NBEA: variants seen among roughly 807,000 people sequenced by gnomAD.
The protein encoded by NBEA is lysosomal-trafficking regulator 2.
Under a neutral mutation model 343.4 loss-of-function variants are expected in NBEA, and 44 were observed. That is an observed-to-expected ratio of 0.13 (90% CI 0.10 to 0.16). The LOEUF is 0.16. Ranked by LOEUF, NBEA falls within the 10% of genes least tolerant of loss-of-function variation. The pLI, the probability that NBEA is intolerant of heterozygous loss-of-function variation, is 1.00. For missense variants in NBEA, 2,555 were observed against 3,631.3 expected (o/e 0.70, Z 7.62); for synonymous variants, 1,175 against 1,238.7 (o/e 0.95, Z 1.08).
intron 1 of NBEA, among the ~76,000 whole-genome samples, chr13:34,983,215 C>G (rs1239778565): frequency 6.6e-6 from 1 of 152,096 alleles, no homozygotes; most frequent in South Asian, 2.1e-4. Flanking sequence ...TGTTCCCCGC[C>G]CTGTGTCCAA....
intron 47 of NBEA, among the ~76,000 whole-genome samples, chr13:35,594,991 A>ACACACAC (rs35723951): frequency 4.2e-5 from 6 of 142,674 alleles, no homozygotes; most frequent in South Asian, 2.2e-4. Flanking sequence ...ACACACACAC[A>ACACACAC]AATTGGCTTT....
chr13:35,440,364 A>G (rs766647970), intron 39 of NBEA, among the ~76,000 whole-genome samples: 8 of 152,206 alleles, frequency 5.3e-5, no homozygotes, highest in Non-Finnish European at 1.0e-4. Context: ...TTTTAGACTA[A>G]TTTTTGGTAA....
chr13:35,184,850 A>G (rs1018230019), intron 30 of NBEA, among the ~76,000 whole-genome samples: 2 of 152,162 alleles, frequency 1.3e-5, no homozygotes, highest in East Asian at 1.9e-4. Context: ...CAAAGGATTT[A>G]TAAGAGGTAG....
intron 10 of NBEA, among the ~76,000 whole-genome samples, chr13:35,078,008 G>A (rs1429974193): frequency 6.6e-6 from 1 of 152,176 alleles, no homozygotes; most frequent in Non-Finnish European, 1.5e-5. Flanking sequence ...GTGAATTAGG[G>A]AGGAGATTTA....
chr13:35,410,429 G>A (rs1465461384), intron 38 of NBEA, among the ~76,000 whole-genome samples: 3 of 152,126 alleles, frequency 2.0e-5, no homozygotes, highest in Non-Finnish European at 4.4e-5. Context: ...CCTAGGTAAG[G>A]GGGAATGGAA....
At chr13:35,608,978 C>G (rs1426677800) in intron 48 of NBEA, among the ~76,000 whole-genome samples, 2 of 152,158 alleles carry the variant, frequency 1.3e-5, no homozygotes, top group Non-Finnish European at 2.9e-5. Flanking sequence ...ATTATCTCTT[C>G]TTTGTGAAAT....
chr13:34,942,580 C>T lies in NBEA; in HGVS notation c.-241C>T. ...TGCTGGGCGGGCACAGCCGCTTGCC[C>T]GGCAGCGGTTAGCGGTACCGCCACC... On this transcript the variant is annotated 5_prime_UTR_variant, in exon 1 of 59. Coordinates refer to ENST00000379939, the MANE Select transcript of NBEA (RefSeq NM_001385012.1). 4.0e-6 allele frequency: 1 copy of T among 249,956 alleles called. No homozygotes were observed. Among genetic ancestry groups the T allele is most frequent in the Non-Finnish European group, 7.5e-6 (1 of 133,040 alleles). The allele number at this position is 249,956 out of a possible 1,614,324, so 15.5% of individuals were successfully genotyped here. A position where few individuals can be genotyped will look rare whatever the true frequency, so the allele number is the denominator to read the frequency against.
chr13:35,670,119 C>T (rs1182571258), intron 58 of NBEA, among the ~76,000 whole-genome samples: 6 of 152,112 alleles, frequency 3.9e-5, no homozygotes, highest in African/African-American at 1.4e-4. Flanking sequence ...GGATATTACT[C>T]AAAAGGTATT....
At chr13:35,158,634 A>G (rs560222533) in intron 21 of NBEA, among the ~76,000 whole-genome samples, 1 of 152,260 alleles carries the variant, frequency 6.6e-6, no homozygotes, top group East Asian at 1.9e-4. Context: ...GAAAACCAAC[A>G]TAGTAATAGT....
intron 8 of NBEA, among the ~76,000 whole-genome samples, chr13:35,068,672 G>T (rs2063747590): frequency 6.6e-6 from 1 of 152,024 alleles, no homozygotes; most frequent in African/African-American, 2.4e-5. Context: ...CTAATGGTTT[G>T]CATCCAGTTT....
chr13:35,159,824 G>A lies in NBEA; in HGVS notation c.3653G>A (p.Ser1218Asn), dbSNP rs775117591. The A allele has an allele frequency of 6.2e-6, 10 of 1,610,106 alleles. 1 individual carries two copies. Among genetic ancestry groups the A allele is most frequent in the African/African-American group, 4.0e-5 (3 of 74,826 alleles). ...FKIHTTSDGM[S>N]SISERDLASS... ...ATCCATACAACTTCAGATGGAATGA[G>A]CAGTATTTCTGAAAGAGACTTAGCG... The change falls in exon 22 of 59, where the codon AGC (serine) becomes AAC (asparagine). Residue 1218 changes from serine (S) to asparagine (N), a missense_variant. Physicochemically the swap from Ser to Asn is conservative, Grantham distance 46. Around this residue, in one of 21 missense-constraint regions of NBEA, gnomAD observed 367 missense variants for 377.5 expected, o/e 0.97. Transcript: ENST00000379939.
intron 36 of NBEA, among the ~76,000 whole-genome samples, chr13:35,334,563 C>T (rs375598722): frequency 6.6e-6 from 1 of 152,188 alleles, no homozygotes; most frequent in South Asian, 2.1e-4. Context: ...GGCCACCATG[C>T]CCAGCCTCGT....
intron 44 of NBEA, among the ~76,000 whole-genome samples, chr13:35,560,715 T>C (rs533879310): frequency 3.9e-5 from 6 of 152,296 alleles, no homozygotes; most frequent in Non-Finnish European, 8.8e-5. Flanking sequence ...GGGAGCCAGG[T>C]CTTCATTACC....
In NBEA at chr13:35,615,059, G is replaced by A. The variant is rs182721335; in HGVS notation, c.7449+8481G>A. Reference sequence around the variant, plus strand: ...TCACTTTCAGAGGCCAAGGCAGATCGATCGCTTGAGACCAGGAGTTCAAGG... The same window carrying A: ...TCACTTTCAGAGGCCAAGGCAGATCAATCGCTTGAGACCAGGAGTTCAAGG... On this transcript the variant is annotated intron_variant, in intron 48 of 58. Transcript: ENST00000379939. Among the ~76,000 whole-genome samples, 129 of 149,176 alleles carry A rather than the reference G, an allele frequency of 8.6e-4. 2 individuals are homozygous for A. In the East Asian group the frequency reaches 0.02, roughly 23 times the overall value.
chr13:35,665,600 G>C (rs1322258822), intron 56 of NBEA, among the ~76,000 whole-genome samples: 1 of 150,302 alleles, frequency 6.7e-6, no homozygotes, highest in Non-Finnish European at 1.5e-5. Flanking sequence ...TGGTGGAAAG[G>C]AAACAAAGAT....
At chr13:35,142,196 T>A (rs1050266530) in intron 17 of NBEA, 73 bp from the exon 18 acceptor site, 5 of 879,874 alleles carry the variant, frequency 5.7e-6, no homozygotes, top group South Asian at 4.8e-5. Context: ...AATTGTTCTC[T>A]CTTATCTAAA....
At chr13:35,527,330 T>A (rs1594887460) in intron 41 of NBEA, among the ~76,000 whole-genome samples, 1 of 152,130 alleles carries the variant, frequency 6.6e-6, no homozygotes, top group South Asian at 2.1e-4. Context: ...GAAGTGGCAG[T>A]CAAGCCTCCC....
Position 35,108,935 on chromosome 13 carries a change from T to C in NBEA, c.1681-355T>C, listed in dbSNP as rs376758544. Among the ~76,000 whole-genome samples the C allele has an allele frequency of 2.6e-5, 4 of 152,132 alleles. No individual in the cohort carries two copies. In the South Asian group the frequency reaches 8.3e-4, roughly 32 times the overall value. Reference sequence around the variant, plus strand: ...GTATTTTTACATATTTTAAACACTATCACTTTTTATTTCTATGTCTAAGAT... The same window carrying C: ...GTATTTTTACATATTTTAAACACTACCACTTTTTATTTCTATGTCTAAGAT... On this transcript the variant is annotated intron_variant, in intron 11 of 58. Coordinates refer to ENST00000379939, the MANE Select transcript of NBEA (RefSeq NM_001385012.1).
At chr13:35,227,107 T>A (rs895974436) in intron 33 of NBEA, among the ~76,000 whole-genome samples, 2 of 152,088 alleles carry the variant, frequency 1.3e-5, no homozygotes, top group African/African-American at 2.4e-5. Context: ...AGTTTTAAAT[T>A]TATAAGATCA....
Sources: allele counts gnomAD v4.1 joint callset (sites outside exome capture counted in the v4.1 genomes callset), GRCh38; gene constraint gnomAD v4.1.1; regional missense constraint gnomAD v4.1.1; transcripts MANE v1.5; gene names NCBI Gene and HGNC (gene_info 2026-07-23, HGNC 2026-07-21).